Variants in DYM observed in about 807,000 individuals in gnomAD.
The protein encoded by DYM is dymeclin, also known as dyggve-Melchior-Clausen syndrome protein.
DYM carries 78 observed loss-of-function variants against 93.1 expected under a neutral mutation model. The ratio of observed to expected loss-of-function variants is 0.84; its 90% CI spans 0.70 to 1.01. The LOEUF is 1.01. DYM is among the 50% of genes least tolerant of loss of function. The probability of loss-of-function intolerance (pLI) is 0.00; values close to 1 mark genes in which losing one functional copy is unlikely to be tolerated. For synonymous variants in DYM, 321 were observed against 319.7 expected (o/e 1.00, Z -0.04); for missense variants, 789 against 845.0 (o/e 0.93, Z 0.82).
At chr18:49,179,095 C>CAAGAGTGTTGATGAAA (rs2089669724) in intron 14 of DYM, among the ~76,000 whole-genome samples, 1 of 152,104 alleles carries the variant, frequency 6.6e-6, no homozygotes, top group Non-Finnish European at 1.5e-5. Flanking sequence ...AGAGAGGTGA[C>CAAGAGTGTTGATGAAA]AACTAGACCA....
At chr18:49,164,861 G>C (rs1012186148) in intron 14 of DYM, among the ~76,000 whole-genome samples, 1 of 152,150 alleles carries the variant, frequency 6.6e-6, no homozygotes, top group East Asian at 1.9e-4. Context: ...CTATTCTAGA[G>C]TGCAAATTAC....
intron 17 of DYM, among the ~76,000 whole-genome samples, chr18:49,058,926 T>C (rs1317986595): frequency 1.3e-5 from 2 of 152,206 alleles, no homozygotes; most frequent in Admixed American, 1.3e-4. Context: ...TAGAGAGAAC[T>C]AATGTATGCT....
intron 14 of DYM, chr18:49,206,011 G>GTTTTTTGTTTTTTTT (rs1555800158): frequency 1.6e-4 from 21 of 135,082 alleles, no homozygotes; most frequent in African/African-American, 5.1e-4. Context: ...TTGTTTTTTT[G>GTTTTTTGTTTTTTTT]TTTTTTGCGG....
At chr18:49,169,386 T>C (rs1001126721) in intron 14 of DYM, among the ~76,000 whole-genome samples, 2 of 151,888 alleles carry the variant, frequency 1.3e-5, no homozygotes, top group African/African-American at 4.8e-5. Context: ...GTCCTGTGGG[T>C]GGGGGAAACA....
intron 6 of DYM, among the ~76,000 whole-genome samples, chr18:49,362,024 TA>T (rs1180544489): frequency 8.7e-6 from 1 of 114,742 alleles, no homozygotes; most frequent in East Asian, 2.9e-4. Context: ...GCATCCGGCC[TA>T]ATTTTTTTTT....
chr18:49,459,591 C>T (rs2083298277), intron 1 of DYM, among the ~76,000 whole-genome samples: 1 of 152,098 alleles, frequency 6.6e-6, no homozygotes. Flanking sequence ...CTACACACCC[C>T]TCTCTCCAAC....
intron 8 of DYM, among the ~76,000 whole-genome samples, chr18:49,308,690 G>C (rs1435855098): frequency 6.6e-6 from 1 of 152,114 alleles, no homozygotes; most frequent in East Asian, 1.9e-4. Flanking sequence ...CTTCAGGTTA[G>C]GGTCTGACAA....
intron 2 of DYM, among the ~76,000 whole-genome samples, chr18:49,421,875 C>T (rs1600128191): frequency 2.0e-5 from 3 of 151,912 alleles, no homozygotes; most frequent in South Asian, 2.1e-4. Flanking sequence ...CTTCAGTAGC[C>T]GATTCAATCA....
chr18:49,316,192 G>A (rs1281486750), intron 8 of DYM, among the ~76,000 whole-genome samples: 1 of 152,150 alleles, frequency 6.6e-6, no homozygotes, highest in Non-Finnish European at 1.5e-5. Context: ...TGTGACAGGA[G>A]AATCGCTTGA....
intron 6 of DYM, chr18:49,359,639 C>T (rs1425456593): frequency 6.6e-6 from 1 of 151,956 alleles, no homozygotes; most frequent in African/African-American, 2.4e-5. Context: ...CGTGGTAAAC[C>T]CTTTGCTCTC....
At chr18:49,066,703 C>T (rs937700884) in intron 17 of DYM, among the ~76,000 whole-genome samples, 1 of 152,078 alleles carries the variant, frequency 6.6e-6, no homozygotes, top group South Asian at 2.1e-4. Flanking sequence ...AGTATCTGTA[C>T]AATTTGGATT....
chr18:49,137,752 G>C (rs750893604), intron 15 of DYM, among the ~76,000 whole-genome samples: 2 of 152,138 alleles, frequency 1.3e-5, no homozygotes, highest in African/African-American at 2.4e-5. Flanking sequence ...CATGAGACAG[G>C]CACCAGTTCC....
At chr18:49,235,377 A>G (rs1416330162) in intron 13 of DYM, among the ~76,000 whole-genome samples, 1 of 152,196 alleles carries the variant, frequency 6.6e-6, no homozygotes, top group East Asian at 1.9e-4. Context: ...ACCTGATGAA[A>G]TCCTTTCAAC....
At chr18:49,369,707 A>G (rs1450730825) in intron 5 of DYM, among the ~76,000 whole-genome samples, 1 of 152,160 alleles carries the variant, frequency 6.6e-6, no homozygotes, top group Non-Finnish European at 1.5e-5. Flanking sequence ...TGTTTAATCT[A>G]CTATGCTTGA....
intron 2 of DYM, among the ~76,000 whole-genome samples, chr18:49,398,137 T>C (rs2070343185): frequency 6.6e-6 from 1 of 152,208 alleles, no homozygotes; most frequent in African/African-American, 2.4e-5. Context: ...TTTTTTAAGT[T>C]TCACCTAGGA....
intron 1 of DYM, among the ~76,000 whole-genome samples, chr18:49,449,401 A>G (rs1451511275): frequency 6.6e-6 from 1 of 152,214 alleles, no homozygotes; most frequent in Non-Finnish European, 1.5e-5. Flanking sequence ...ACAATTCCCA[A>G]TAGGAAGAGA....
intron 11 of DYM, among the ~76,000 whole-genome samples, chr18:49,271,427 C>T (rs1788119): frequency 0.16 from 24,427 of 152,066 alleles, 2,706 homozygotes; most frequent in East Asian, 0.33. Context: ...AGAGGGAACA[C>T]TTGTGGAATG....
intron 17 of DYM, 192 bp downstream of exon 17, chr18:49,097,210 G>A (rs1715423390): frequency 1.6e-6 from 1 of 623,926 alleles, no homozygotes; most frequent in African/African-American, 1.8e-5. Flanking sequence ...GCTACTTGTA[G>A]GATATGCAGT....
chr18:49,455,307 C>T (rs1404445939), intron 1 of DYM, among the ~76,000 whole-genome samples: 1 of 152,216 alleles, frequency 6.6e-6, no homozygotes, highest in Non-Finnish European at 1.5e-5. Context: ...CCCAAGGGCA[C>T]CTCAAACTCC....
Sources: allele counts gnomAD v4.1 joint callset (sites outside exome capture counted in the v4.1 genomes callset), GRCh38; gene constraint gnomAD v4.1.1; transcripts MANE v1.5; gene names NCBI Gene and HGNC (gene_info 2026-07-23, HGNC 2026-07-21).